PPP3CA: variants seen among roughly 807,000 people sequenced by gnomAD.
The protein encoded by PPP3CA is protein phosphatase 3 catalytic subunit alpha, also known as CAM-PRP catalytic subunit.
A neutral mutation model predicts 66.5 loss-of-function variants in PPP3CA; 14 were observed. The observed-to-expected ratio is 0.21, with a 90% CI of 0.14 to 0.33. PPP3CA has a LOEUF of 0.33. PPP3CA is among the 10% of genes least tolerant of loss of function. PPP3CA has a pLI of 1.00. For missense variants in PPP3CA, 317 were observed against 639.5 expected (o/e 0.50, Z 5.44); for synonymous variants, 232 against 226.2 (o/e 1.03, Z -0.23).
intron 2 of PPP3CA, among the ~76,000 whole-genome samples, chr4:101,194,862 C>T (rs1724735815): frequency 6.6e-6 from 1 of 152,180 alleles, no homozygotes; most frequent in South Asian, 2.1e-4. Context: ...CCACCGCGTC[C>T]AGCCCATACA....
At chr4:101,067,307 A>G (rs375846615) in intron 8 of PPP3CA, among the ~76,000 whole-genome samples, 21 of 152,274 alleles carry the variant, frequency 1.4e-4, no homozygotes, top group African/African-American at 5.1e-4. Flanking sequence ...GCTGTAAAAG[A>G]TGTAAAATTA....
Position 101,346,822 on chromosome 4 carries a change from C to T in PPP3CA, c.-26G>A. 6.2e-7 allele frequency: 1 copy of T among 1,605,444 alleles called. No individual in the cohort carries two copies. Among genetic ancestry groups the T allele is most frequent in the Non-Finnish European group, 8.5e-7 (1 of 1,176,718 alleles). On this transcript the variant is annotated 5_prime_UTR_variant, in exon 1 of 14. Transcript: ENST00000394854. ...CTCCAGCTGCCGGAGGACAGCGACG[C>T]GCTGCTCGTCCGTCCGACTGCACAC...
chr4:101,065,521 G>A (rs1331718679), intron 8 of PPP3CA, among the ~76,000 whole-genome samples: 1 of 152,196 alleles, frequency 6.6e-6, no homozygotes, highest in Admixed American at 6.6e-5. Context: ...CAACAAATCT[G>A]AGAAGCAGGT....
At chr4:101,178,498 A>G (rs1412532995) in intron 2 of PPP3CA, among the ~76,000 whole-genome samples, 1 of 152,128 alleles carries the variant, frequency 6.6e-6, no homozygotes, top group African/African-American at 2.4e-5. Context: ...TCTAACAAAT[A>G]TAGTCACACT....
At chr4:101,151,143 T>C (rs969402733) in intron 2 of PPP3CA, among the ~76,000 whole-genome samples, 1 of 152,232 alleles carries the variant, frequency 6.6e-6, no homozygotes, top group African/African-American at 2.4e-5. Flanking sequence ...ACTTCATCAA[T>C]GGCACACAGA....
intron 1 of PPP3CA, 63 bp downstream of exon 1, chr4:101,346,676 A>G: frequency 6.9e-7 from 1 of 1,441,626 alleles, no homozygotes; most frequent in Admixed American, 1.9e-5. Flanking sequence ...AGGCGAGGCG[A>G]GGCAAGCTGC....
chr4:101,174,985 A>G (rs1409053545), intron 2 of PPP3CA, among the ~76,000 whole-genome samples: 2 of 152,138 alleles, frequency 1.3e-5, no homozygotes, highest in Non-Finnish European at 2.9e-5. Context: ...TGTGAAATCC[A>G]TGTTCAGGGG....
In PPP3CA at chr4:101,124,735, G is replaced by GAA. The variant is rs372087598; in HGVS notation, c.260-15659_260-15658dup. On this transcript the variant is annotated intron_variant, in intron 2 of 13. Coordinates refer to ENST00000394854, the MANE Select transcript of PPP3CA (RefSeq NM_000944.5). ...AAAGAAAGAAAGAAAGAGAAAGAAA[G>GAA]AAAGAAAGAAAGAAAGAAAGAAAGA... Among the ~76,000 whole-genome samples the GAA allele has an allele frequency of 3.1e-3, 211 of 68,612 alleles. 4 individuals are homozygous for GAA. Among genetic ancestry groups the GAA allele is most frequent in the African/African-American group, 0.012 (197 of 15,814 alleles). 45.0% of individuals were successfully genotyped at this position (68,612 alleles called of 152,430 possible). A position where few individuals can be genotyped will look rare whatever the true frequency, so the allele number is the denominator to read the frequency against.
chr4:101,067,369 C>T (rs1039103444), intron 8 of PPP3CA, among the ~76,000 whole-genome samples: 4 of 151,868 alleles, frequency 2.6e-5, no homozygotes, highest in Non-Finnish European at 5.9e-5. Context: ...GACTGAACCT[C>T]GATTATTTCT....
intron 2 of PPP3CA, among the ~76,000 whole-genome samples, chr4:101,177,119 C>A (rs1010070933): frequency 3.9e-5 from 6 of 152,090 alleles, no homozygotes; most frequent in Non-Finnish European, 8.8e-5. Flanking sequence ...TTGAAGTACT[C>A]ACAAAAATAA....
chr4:101,025,813 C>T lies in PPP3CA; in HGVS notation c.*52G>A, dbSNP rs144894075. The stretch of plus-strand genomic sequence containing the variant: ...ATATGCAGCAATCCCCATCATGCCC[C>T]GCAGCTCAAAAAAAAAAAAAAAAAA... On this transcript the variant is annotated 3_prime_UTR_variant, in exon 14 of 14. Transcript: ENST00000394854. The T allele has an allele frequency of 5.4e-5, 73 of 1,341,138 alleles. No individual in the cohort carries two copies. The Middle Eastern group carries it at 7.1e-4, about 13-fold the overall frequency. The allele number at this position is 1,341,138 out of a possible 1,614,324, so 83.1% of individuals were successfully genotyped here.
chr4:101,343,804 A>G (rs1388205450), intron 1 of PPP3CA, among the ~76,000 whole-genome samples: 2 of 152,240 alleles, frequency 1.3e-5, no homozygotes, highest in East Asian at 1.9e-4. Context: ...TAGTTGAGAC[A>G]GACTCAACCT....
In PPP3CA at chr4:101,346,882, G is replaced by C; in HGVS notation, c.-86C>G. 1 of 1,358,476 alleles carries C rather than the reference G, an allele frequency of 7.4e-7. No homozygotes were observed. Among genetic ancestry groups the C allele is most frequent in the South Asian group, 1.3e-5 (1 of 78,564 alleles). 84.2% of individuals were successfully genotyped at this position (1,358,476 alleles called of 1,614,324 possible). A position where few individuals can be genotyped will look rare whatever the true frequency, so the allele number is the denominator to read the frequency against. ...ACCGGCGGGCCAGACACTCAACGCC[G>C]CCGCCGCCGCCGCCGCCGCCGCGCT... On this transcript the variant is annotated 5_prime_UTR_variant, in exon 1 of 14. Transcript: ENST00000394854.
chr4:101,307,705 G>A (rs1010405537), intron 1 of PPP3CA, among the ~76,000 whole-genome samples: 2 of 152,192 alleles, frequency 1.3e-5, no homozygotes, highest in Non-Finnish European at 2.9e-5. Flanking sequence ...TCTACCAGAT[G>A]TACTTGTGGC....
At chr4:101,132,677 T>G (rs1186445424) in intron 2 of PPP3CA, among the ~76,000 whole-genome samples, 5 of 152,060 alleles carry the variant, frequency 3.3e-5, no homozygotes, top group Admixed American at 3.3e-4. Context: ...GGTACAAAGA[T>G]GAGCTGGTAC....
rs373712886 is a variant in PPP3CA, at chr4:101,173,582, T to A, written c.259+22334A>T. Among the ~76,000 whole-genome samples, 20 of 152,234 alleles carry A rather than the reference T, an allele frequency of 1.3e-4. No homozygotes were observed. The East Asian group carries it at 1.7e-3, about 13-fold the overall frequency. On this transcript the variant is annotated intron_variant, in intron 2 of 13. Coordinates refer to ENST00000394854, the MANE Select transcript of PPP3CA (RefSeq NM_000944.5). Reference sequence around the variant, plus strand: ...ATTTATATAGCTAGAGACATGAAAATGGACACAGAGATGAGGTCCCTCTGC... The same window carrying A: ...ATTTATATAGCTAGAGACATGAAAAAGGACACAGAGATGAGGTCCCTCTGC...
chr4:101,093,606 T>C (rs917165796), intron 6 of PPP3CA, among the ~76,000 whole-genome samples, 170 bp downstream of exon 6: 4 of 152,238 alleles, frequency 2.6e-5, no homozygotes, highest in African/African-American at 9.6e-5. Flanking sequence ...ATTTCACATT[T>C]ATTTACTCAC....
chr4:101,128,614 G>C lies in PPP3CA; in HGVS notation c.260-19536C>G, dbSNP rs185213160. 6.2e-3 allele frequency among the ~76,000 whole-genome samples: 939 copies of C among 151,624 alleles called. 9 individuals carry two copies. Among genetic ancestry groups the C allele is most frequent in the African/African-American group, 0.022 (890 of 41,314 alleles). ...ACAGAGGGCAAGCAGAAGCAGGGCG[G>C]GGCGTCACCTTACCTGGGAAGTGCA... is the stretch of plus-strand genomic sequence containing the variant. On this transcript the variant is annotated intron_variant, in intron 2 of 13. Transcript: ENST00000394854.
chr4:101,052,035 C>T (rs184791758), intron 10 of PPP3CA, among the ~76,000 whole-genome samples: 1 of 151,916 alleles, frequency 6.6e-6, no homozygotes, highest in African/African-American at 2.4e-5. Context: ...GTTTTTTTAA[C>T]ATTTAGTTTA....
Sources: allele counts gnomAD v4.1 joint callset (sites outside exome capture counted in the v4.1 genomes callset), GRCh38; gene constraint gnomAD v4.1.1; transcripts MANE v1.5; gene names NCBI Gene and HGNC (gene_info 2026-07-23, HGNC 2026-07-21).